STK3: variants seen among roughly 807,000 people sequenced by gnomAD.
STK3 encodes the protein serine/threonine-protein kinase 3.
A neutral mutation model predicts 58.0 loss-of-function variants in STK3; 41 were observed. The observed-to-expected ratio is 0.71, with a 90% CI of 0.55 to 0.92. The LOEUF (loss-of-function observed/expected upper bound fraction) is 0.92. Ranked by LOEUF, STK3 falls within the 40% of genes least tolerant of loss-of-function variation. The pLI, the probability that STK3 is intolerant of heterozygous loss-of-function variation, is 0.00. For synonymous variants in STK3, 170 were observed against 191.0 expected (o/e 0.89, Z 0.91); for missense variants, 479 against 602.7 (o/e 0.79, Z 2.15).
intron 1 of STK3, among the ~76,000 whole-genome samples, chr8:98,775,351 CCAGCCCCCTT>C (rs1379495476): frequency 6.6e-6 from 1 of 152,096 alleles, no homozygotes; most frequent in African/African-American, 2.4e-5. Context: ...AAGATCCTCC[CCAGCCCCCTT>C]CAGCTCTGAC....
chr8:98,429,646 G>C, intron 3 of STK3: 1 of 504,924 alleles, frequency 2.0e-6, no homozygotes, highest in Non-Finnish European at 3.6e-6. Context: ...ACTGGTCTTT[G>C]CATCGTGGGC....
intron 10 of STK3, among the ~76,000 whole-genome samples, chr8:98,485,264 A>C (rs1822164899): frequency 6.6e-6 from 1 of 152,170 alleles, no homozygotes; most frequent in African/African-American, 2.4e-5. Context: ...TGTATTTATA[A>C]ATCTAATGCT....
intron 8 of STK3, among the ~76,000 whole-genome samples, chr8:98,560,535 T>C (rs1811930315): frequency 1.3e-5 from 2 of 152,174 alleles, no homozygotes; most frequent in South Asian, 4.1e-4. Flanking sequence ...AAATAAAAGA[T>C]GATCTAAATA....
rs557312883 is a variant in STK3, at chr8:98,377,482, AATT to A, written n.111+1668_111+1670del. 3.3e-3 allele frequency among the ~76,000 whole-genome samples: 505 copies of A among 151,908 alleles called. 3 individuals are homozygous for A. Among genetic ancestry groups the A allele is most frequent in the African/African-American group, 0.012 (489 of 41,514 alleles). On this transcript the variant is annotated intron_variant and non_coding_transcript_variant, in intron 2 of 2. Coordinates refer to the STK3 transcript ENST00000518704. ...CATTTTCTTCTGAATTGAATTATTG[AATT>A]ATTATTATAATATTAATAGTAAATG... is the stretch of plus-strand genomic sequence containing the variant.
chr8:98,479,003 T>C (rs1056955719), intron 10 of STK3, among the ~76,000 whole-genome samples: 1 of 152,126 alleles, frequency 6.6e-6, no homozygotes, highest in Non-Finnish European at 1.5e-5. Flanking sequence ...TCATCACTGG[T>C]GACAAGAGTT....
chr8:98,637,874 A>T (rs1221819813), intron 6 of STK3, among the ~76,000 whole-genome samples: 5 of 152,206 alleles, frequency 3.3e-5, no homozygotes, highest in Non-Finnish European at 7.3e-5. Flanking sequence ...ACAATTAGGT[A>T]TATGACAAAC....
At chr8:98,737,760 T>C (rs752004980) in intron 4 of STK3, among the ~76,000 whole-genome samples, 2 of 152,200 alleles carry the variant, frequency 1.3e-5, no homozygotes, top group East Asian at 3.8e-4. Flanking sequence ...TAGGCTAGAC[T>C]GCAGTGGCGC....
chr8:98,797,850 G>C (rs1013541937), intron 1 of STK3, among the ~76,000 whole-genome samples: 2 of 152,126 alleles, frequency 1.3e-5, no homozygotes, highest in African/African-American at 4.8e-5. Context: ...GAACAACAAT[G>C]ATATAAGGGA....
rs1418980185 is a variant in STK3 at position 98,428,278 on chromosome 8, C to T, written n.483+5849G>A. On this transcript the variant is annotated intron_variant and non_coding_transcript_variant, in intron 3 of 3. Transcript: ENST00000517832. The surrounding 1 kb of genome is among the most constrained non-coding windows in gnomAD (Gnocchi z 6.7). ...GTCATGGCTGAGCTATGTGTCTTCT[C>T]CTTCAGCCAGGAGATCGAGTACTGG... 1 of 1,614,128 alleles carries T rather than the reference C, an allele frequency of 6.2e-7. No individual in the cohort carries two copies.
intron 6 of STK3, among the ~76,000 whole-genome samples, chr8:98,695,971 C>T (rs1172287668): frequency 3.9e-5 from 6 of 151,964 alleles, no homozygotes; most frequent in African/African-American, 9.7e-5. Context: ...GCCATTTTCA[C>T]GATATTGATT....
At chr8:98,564,496 GGT>G (rs1222495048) in intron 8 of STK3, among the ~76,000 whole-genome samples, 1 of 152,056 alleles carries the variant, frequency 6.6e-6, no homozygotes, top group African/African-American at 2.4e-5. Flanking sequence ...GGCTAGGGGT[GGT>G]AGGGAGAGAT....
the STK3 span, among the ~76,000 whole-genome samples, chr8:98,348,674 T>C: frequency 2.0e-5 from 3 of 152,200 alleles, no homozygotes; most frequent in African/African-American, 7.2e-5. Flanking sequence ...ATGTTCAACA[T>C]TATATGTCAT....
At chr8:98,934,065 C>A (rs1471772004) in intron 1 of STK3, among the ~76,000 whole-genome samples, 1 of 152,192 alleles carries the variant, frequency 6.6e-6, no homozygotes, top group Non-Finnish European at 1.5e-5. Context: ...CCAAGCTGCA[C>A]ATTTTTTTCT....
Position 98,767,372 on chromosome 8 carries a change from C to T in STK3, c.108-1G>A. The T allele has an allele frequency of 6.3e-7, 1 of 1,589,906 alleles. No homozygotes were observed. The highest frequency in any genetic ancestry group is 8.5e-7 in the Non-Finnish European group (1 of 1,173,738). ...TGCTTTAAATACACTTCCATAAGACCTAAAAGAAACCAAGACATTATTTTT... is the reference window on the plus strand; with the variant it reads ...TGCTTTAAATACACTTCCATAAGACTTAAAAGAAACCAAGACATTATTTTT... On this transcript the variant is annotated splice_acceptor_variant, in intron 2 of 10. Transcript: ENST00000419617. LOFTEE classifies it high-confidence loss of function.
At chr8:98,838,336 A>C (rs1564051751) in intron 3 of STK3, among the ~76,000 whole-genome samples, 1 of 152,130 alleles carries the variant, frequency 6.6e-6, no homozygotes, top group Non-Finnish European at 1.5e-5. Flanking sequence ...TTGATCTTTC[A>C]ATTTCTTTTT....
At chr8:98,606,912 G>A (rs1816820108) in intron 6 of STK3, among the ~76,000 whole-genome samples, 2 of 152,200 alleles carry the variant, frequency 1.3e-5, no homozygotes, top group African/African-American at 4.8e-5. Context: ...AGGAACTGCT[G>A]AATGTATAAC....
At chr8:98,707,404 G>A in intron 4 of STK3, 93 bp from the exon 5 acceptor site, 1 of 953,928 alleles carries the variant, frequency 1.0e-6, no homozygotes, top group Non-Finnish European at 1.5e-6. Flanking sequence ...CTTTCCGTGT[G>A]TGTGTGTGTG....
At chr8:98,816,785 C>T (rs1215558603) in intron 1 of STK3, among the ~76,000 whole-genome samples, 1 of 152,130 alleles carries the variant, frequency 6.6e-6, no homozygotes, top group African/African-American at 2.4e-5. Flanking sequence ...CTACCCACCT[C>T]GGCCTCCCAC....
At chr8:98,543,283 A>G (rs1301985811) in intron 9 of STK3, among the ~76,000 whole-genome samples, 4 of 152,322 alleles carry the variant, frequency 2.6e-5, no homozygotes, top group Admixed American at 6.5e-5. Context: ...CAGAGCATAT[A>G]CTGCTTCTTA....
Sources: gnomAD v4.1 joint callset for allele counts (sites outside exome capture counted in the v4.1 genomes callset) on GRCh38, gnomAD v4.1.1 for gene constraint, Gnocchi (gnomAD v3.1) non-coding constraint, MANE v1.5 for transcripts, NCBI Gene and HGNC (gene_info 2026-07-23, HGNC 2026-07-21) for gene names.